Variants in PCDH15 observed in about 807,000 individuals in gnomAD.
PCDH15 encodes the protein protocadherin-15.
PCDH15 carries 129 observed loss-of-function variants against 178.5 expected under a neutral mutation model. The ratio of observed to expected loss-of-function variants is 0.72; its 90% CI spans 0.63 to 0.84. PCDH15 has a LOEUF of 0.84. Among genes scored for constraint, PCDH15 ranks in the 40% least tolerant of loss-of-function variants. The pLI is 0.00. For synonymous variants in PCDH15, 800 were observed against 732.0 expected, an observed-to-expected ratio of 1.09 and a Z score of -1.50; for missense variants, 2,230 against 2,099.9, an observed-to-expected ratio of 1.06 and a Z score of -1.21.
At chr10:55,091,415 G>A (rs570328525) in intron 2 of PCDH15, among the ~76,000 whole-genome samples, 1 of 151,996 alleles carries the variant, frequency 6.6e-6, no homozygotes, top group South Asian at 2.1e-4. Context: ...CATACCAGGA[G>A]TCTTACAATG....
At chr10:55,239,518 C>T (rs966960140) in intron 1 of PCDH15, among the ~76,000 whole-genome samples, 1 of 152,114 alleles carries the variant, frequency 6.6e-6, no homozygotes, top group Non-Finnish European at 1.5e-5. Context: ...AACTAGACCC[C>T]TCTTGCCATA....
intron 25 of PCDH15, among the ~76,000 whole-genome samples, chr10:53,924,189 C>T (rs369662529): frequency 1.1e-4 from 16 of 152,128 alleles, no homozygotes; most frequent in African/African-American, 3.6e-4. Flanking sequence ...GAGGGAGAGG[C>T]GCAGGCGGGA....
At chr10:55,489,301 A>G (rs913807438) in intron 2 of PCDH15, among the ~76,000 whole-genome samples, 1 of 151,600 alleles carries the variant, frequency 6.6e-6, no homozygotes, top group Admixed American at 6.6e-5. Context: ...ATGTGTCAGA[A>G]ATATAACAGG....
intron 1 of PCDH15, among the ~76,000 whole-genome samples, chr10:54,697,297 C>T (rs560528647): frequency 6.6e-6 from 1 of 151,852 alleles, no homozygotes; most frequent in South Asian, 2.1e-4. Flanking sequence ...AAGTAGCATA[C>T]TATATTTCTG....
At chr10:55,575,562 A>G (rs1842480769) in intron 2 of PCDH15, 1 of 152,186 alleles carries the variant, frequency 6.6e-6, no homozygotes, top group African/African-American at 2.4e-5. Flanking sequence ...TCTATAAAAG[A>G]CTAGTCTTTC....
intron 2 of PCDH15, among the ~76,000 whole-genome samples, chr10:55,398,663 C>A: frequency 6.6e-6 from 1 of 152,106 alleles, no homozygotes; most frequent in East Asian, 1.9e-4. Flanking sequence ...AGTTTTATTT[C>A]CCTTTCATTG....
rs140463100 is a variant in PCDH15, at chr10:55,312,587, T to C, written c.-156+7012A>G. Reference sequence around the variant, plus strand: ...ATAAAAGGAATATGAGCATGGATTCTTTATCATAGATGTTGACTGCTCTAA... The same window carrying C: ...ATAAAAGGAATATGAGCATGGATTCCTTATCATAGATGTTGACTGCTCTAA... On this transcript the variant is annotated intron_variant, in intron 1 of 5. Transcript: ENST00000458638. Among the ~76,000 whole-genome samples the C allele has an allele frequency of 7.1e-3, 1,085 of 152,202 alleles. 7 individuals are homozygous for C. The highest frequency in any genetic ancestry group is 0.012 in the Non-Finnish European group (815 of 68,008).
chr10:53,915,418 A>G (rs1027273418), intron 25 of PCDH15, among the ~76,000 whole-genome samples: 1 of 152,220 alleles, frequency 6.6e-6, no homozygotes, highest in Non-Finnish European at 1.5e-5. Context: ...TTTCAAATTT[A>G]GCTTGGACAT....
At chr10:54,437,048 C>T (rs1011474274) in intron 3 of PCDH15, among the ~76,000 whole-genome samples, 5 of 152,250 alleles carry the variant, frequency 3.3e-5, no homozygotes, top group East Asian at 1.9e-4. Context: ...TAAAGCCTCC[C>T]TTGTCACACC....
intron 2 of PCDH15, among the ~76,000 whole-genome samples, chr10:55,120,449 G>GA (rs1358072245): frequency 1.3e-5 from 2 of 152,056 alleles, no homozygotes; most frequent in African/African-American, 4.8e-5. Flanking sequence ...TAGACGTAGT[G>GA]ATCTAGAGGG....
chr10:54,297,992 C>A (rs11498105), intron 8 of PCDH15, among the ~76,000 whole-genome samples: 30,333 of 152,012 alleles, frequency 0.2, 3,111 homozygotes, highest in Admixed American at 0.23. Context: ...GTCAGCAAGC[C>A]GTGCCCAGTA....
chr10:53,806,646 T>A lies in PCDH15; in HGVS notation c.5156A>T (p.Gln1719Leu). 1.2e-6 allele frequency: 2 copies of A among 1,613,606 alleles called. No homozygotes were observed. Among genetic ancestry groups the A allele is most frequent in the Middle Eastern group, 1.6e-4 (1 of 6,062 alleles). The part of the protein sequence containing the change: ...EALEFHSDHT[Q>L]SDDEELWMGP... ...CATCCAAAGCTCTTCATCATCAGAC[T>A]GTGTGTGGTCACTATGAAATTCCAA... Residue 1719 changes from glutamine to leucine, a missense_variant, in exon 38 of 38, where the codon CAG (glutamine) becomes CTG (leucine). By Grantham distance (113) the Gln-to-Leu change is moderately radical. Transcript: ENST00000644397.
chr10:54,797,191 A>T (rs1041693191), intron 1 of PCDH15, among the ~76,000 whole-genome samples: 4 of 152,026 alleles, frequency 2.6e-5, no homozygotes, highest in African/African-American at 9.7e-5. Context: ...CCATGGCCTG[A>T]GAATGCTTAC....
At chr10:54,710,336 G>T (rs1454080154) in intron 1 of PCDH15, among the ~76,000 whole-genome samples, 3 of 152,010 alleles carry the variant, frequency 2.0e-5, no homozygotes, top group African/African-American at 7.2e-5. Context: ...GAAAAGTATT[G>T]TGAAGGATAT....
intron 2 of PCDH15, chr10:55,366,315 A>G (rs1845360057): frequency 6.6e-6 from 1 of 152,148 alleles, no homozygotes; most frequent in Non-Finnish European, 1.5e-5. Flanking sequence ...TAAGACCAAT[A>G]AAGTAAAACA....
At chr10:53,836,290 G>A (rs1187552087) in intron 29 of PCDH15, among the ~76,000 whole-genome samples, 1 of 152,114 alleles carries the variant, frequency 6.6e-6, no homozygotes, top group Non-Finnish European at 1.5e-5. Flanking sequence ...TCTTGAGAAA[G>A]CCCATACCAA....
At chr10:54,287,355 G>C (rs1488223146) in intron 8 of PCDH15, among the ~76,000 whole-genome samples, 1 of 152,070 alleles carries the variant, frequency 6.6e-6, no homozygotes, top group Non-Finnish European at 1.5e-5. Context: ...TATTTGCTTG[G>C]TTTATAGTAC....
intron 2 of PCDH15, among the ~76,000 whole-genome samples, chr10:55,439,467 A>G (rs1839128112): frequency 6.6e-6 from 1 of 152,200 alleles, no homozygotes; most frequent in African/African-American, 2.4e-5. Context: ...ATTCCAGAAA[A>G]TATGAGTAGA....
intron 8 of PCDH15, among the ~76,000 whole-genome samples, chr10:54,254,984 CTA>C (rs2056786310): frequency 6.6e-6 from 1 of 152,140 alleles, no homozygotes; most frequent in Non-Finnish European, 1.5e-5. Context: ...TTCTTTCACA[CTA>C]TGTGGATATT....
Sources: allele counts gnomAD v4.1 joint callset (sites outside exome capture counted in the v4.1 genomes callset), GRCh38; gene constraint gnomAD v4.1.1; transcripts MANE v1.5; gene names NCBI Gene and HGNC (gene_info 2026-07-23, HGNC 2026-07-21).